The following KIAA1671 variants were observed in gnomAD, a reference collection of about 807,000 sequenced individuals.
The protein encoded by KIAA1671 is KIAA1671.
KIAA1671 carries 52 observed loss-of-function variants against 131.2 expected under a neutral mutation model. That is an observed-to-expected ratio of 0.40 (90% CI 0.32 to 0.50). The LOEUF is 0.50. Among genes scored for constraint, KIAA1671 ranks in the 20% least tolerant of loss-of-function variants. KIAA1671 has a pLI of 0.73. For synonymous variants in KIAA1671, 1,003 were observed against 961.6 expected (o/e 1.04, Z -0.80); for missense variants, 2,360 against 2,364.2 (o/e 1.00, Z 0.04).
chr22:25,110,472 A>G (rs969151495), intron 6 of KIAA1671, among the ~76,000 whole-genome samples: 2 of 152,186 alleles, frequency 1.3e-5, no homozygotes, highest in African/African-American at 4.8e-5. Context: ...GCCTGGTGAC[A>G]TCCTTGCTGT....
At chr22:24,960,379 C>G (rs1921950693) in intron 1 of KIAA1671, among the ~76,000 whole-genome samples, 1 of 151,122 alleles carries the variant, frequency 6.6e-6, no homozygotes. Flanking sequence ...AACCCCATCT[C>G]TACTAAAAAT....
At chr22:25,006,165 G>T (rs1053377432) in intron 1 of KIAA1671, among the ~76,000 whole-genome samples, 3 of 152,058 alleles carry the variant, frequency 2.0e-5, no homozygotes, top group Admixed American at 2.0e-4. Context: ...CCGAGTAGCT[G>T]GGACTACATG....
chr22:24,967,315 G>A (rs1029221917), intron 1 of KIAA1671, among the ~76,000 whole-genome samples: 4 of 152,096 alleles, frequency 2.6e-5, no homozygotes, highest in Admixed American at 6.5e-5. Flanking sequence ...TTGAGGAAAC[G>A]GAGGCTCAGA....
intron 1 of KIAA1671, among the ~76,000 whole-genome samples, chr22:25,020,469 G>T (rs1369208903): frequency 6.6e-6 from 1 of 152,100 alleles, no homozygotes; most frequent in Admixed American, 6.5e-5. Context: ...TTCTCTTCAG[G>T]TGTTTTTTGC....
chr22:25,104,813 A>G (rs2145902484), intron 6 of KIAA1671, among the ~76,000 whole-genome samples: 1 of 150,616 alleles, frequency 6.6e-6, no homozygotes, highest in South Asian at 2.1e-4. Context: ...TTTGTATTTG[A>G]TTTTGGGGAG....
chr22:25,037,476 A>G (rs1454049496), intron 4 of KIAA1671, among the ~76,000 whole-genome samples: 2 of 152,082 alleles, frequency 1.3e-5, no homozygotes, highest in Non-Finnish European at 2.9e-5. Flanking sequence ...GAGCACTTCA[A>G]TGGCATTCCA....
At position 25,181,819 on chromosome 22, in the gene KIAA1671, T is replaced by A. The variant is rs1198982525; in HGVS notation, c.5195T>A (p.Leu1732Gln). The A allele has an allele frequency of 6.4e-7, 1 of 1,551,400 alleles. No homozygotes were observed. The highest frequency in any genetic ancestry group is 8.7e-7 in the Non-Finnish European group (1 of 1,146,866). Reference sequence around the variant, plus strand: ...TTTCCAGGCATGGATCCGGCAGTGCTAAAGGTACCAGACCTCTCACCAAGA... The same window carrying A: ...TTTCCAGGCATGGATCCGGCAGTGCAAAAGGTACCAGACCTCTCACCAAGA... The part of the protein sequence containing the change: ...PAFPGMDPAV[L>Q]KAQLHKRPEV... The change falls in exon 10 of 13, where the codon CTA (leucine) becomes CAA (glutamine). Residue 1732 changes from leucine to glutamine, a missense_variant. By Grantham distance (113) the Leu-to-Gln change is moderately radical (BLOSUM62 -2). Around this residue, in one of 3 missense-constraint regions of KIAA1671, gnomAD observed 1,161 missense variants for 1,204.7 expected, o/e 0.96. Transcript: ENST00000358431.
chr22:25,028,544 C>G lies in KIAA1671; in HGVS notation c.545C>G (p.Pro182Arg). The G allele has an allele frequency of 1.3e-6, 2 of 1,549,732 alleles. No individual in the cohort carries two copies. Among genetic ancestry groups the G allele is most frequent in the Non-Finnish European group, 1.7e-6 (2 of 1,146,294 alleles). Reference sequence around the variant, plus strand: ...TCCCGGCCTGAGGTGGCTGCCAAGCCCGCCCTGCCCACCCAGAAGCCTGCG... The same window carrying G: ...TCCCGGCCTGAGGTGGCTGCCAAGCGCGCCCTGCCCACCCAGAAGCCTGCG... Reference protein sequence around the residue: ...SGSRPEVAAKPALPTQKPAGT... With the variant: ...SGSRPEVAAKRALPTQKPAGT... Residue 182 changes from proline (P) to arginine (R), a missense_variant, in exon 3 of 13, where the codon CCC becomes CGC. This residue lies in a region of KIAA1671 where 1,185 missense variants were observed against 1,126.2 expected (regional missense o/e 1.05). Transcript: ENST00000358431.
Position 25,041,507 on chromosome 22 carries a change from G to T in KIAA1671, c.4377G>T (p.Gly1459=), listed in dbSNP as rs1926922158. 1 of 1,544,330 alleles carries T rather than the reference G, an allele frequency of 6.5e-7. No individual in the cohort carries two copies. The highest frequency in any genetic ancestry group is 2.4e-5 in the East Asian group (1 of 40,846). The stretch of plus-strand genomic sequence containing the variant: ...TGGGACCCTGTTGGTGGGAGTCAGG[G>T]ACTGGAGACAGTCACAAGGTAAGTA... ...AKMGPCWWES[G]TGDSHKVLPR... is the part of the protein sequence containing the mutation. Residue 1459 remains glycine (G), a synonymous_variant, in exon 5 of 13, where the codon GGG becomes GGT. Coordinates refer to ENST00000358431, the MANE Select transcript of KIAA1671 (RefSeq NM_001145206.2).
chr22:25,024,751 T>A (rs1026339063), intron 1 of KIAA1671: 1 of 152,210 alleles, frequency 6.6e-6, no homozygotes, highest in African/African-American at 2.4e-5. Context: ...CTGGTGCTTT[T>A]ATGTGCCAGG....
At chr22:24,989,266 C>T (rs1923710836) in intron 1 of KIAA1671, among the ~76,000 whole-genome samples, 1 of 152,196 alleles carries the variant, frequency 6.6e-6, no homozygotes, top group South Asian at 2.1e-4. Flanking sequence ...GAGTATCCTG[C>T]CCCAGCTCCA....
chr22:25,086,904 G>A (rs1212251951), intron 6 of KIAA1671, among the ~76,000 whole-genome samples: 1 of 152,134 alleles, frequency 6.6e-6, no homozygotes, highest in Non-Finnish European at 1.5e-5. Flanking sequence ...AAGTAAAGCC[G>A]GGGAATGTTC....
intron 6 of KIAA1671, among the ~76,000 whole-genome samples, chr22:25,169,271 T>C (rs1423441404): frequency 6.6e-6 from 1 of 151,974 alleles, no homozygotes; most frequent in Non-Finnish European, 1.5e-5. Flanking sequence ...TTTTTTTAAA[T>C]AGCTGGGTGT....
intron 6 of KIAA1671, chr22:25,052,068 G>T (rs1415023954): frequency 6.6e-6 from 1 of 152,334 alleles, no homozygotes; most frequent in Non-Finnish European, 1.5e-5. Context: ...TCCAGCCTTG[G>T]CCCCAGGCCC....
intron 6 of KIAA1671, among the ~76,000 whole-genome samples, chr22:25,101,145 G>T (rs971911032): frequency 6.6e-6 from 1 of 152,200 alleles, no homozygotes; most frequent in African/African-American, 2.4e-5. Flanking sequence ...AGGCAGTGTG[G>T]CCAAAGATAC....
intron 6 of KIAA1671, among the ~76,000 whole-genome samples, chr22:25,157,829 T>TA (rs1165146248): frequency 6.6e-5 from 10 of 152,046 alleles, no homozygotes; most frequent in African/African-American, 2.4e-4. Flanking sequence ...CTTTTTATTT[T>TA]TTTTTTTATT....
Position 25,039,821 on chromosome 22 carries a change from C to T in KIAA1671, c.2691C>T (p.Ser897=). The change falls in exon 5 of 13, where the codon TCC becomes TCT. Residue 897 remains serine (S), a synonymous_variant. Coordinates refer to ENST00000358431, the MANE Select transcript of KIAA1671 (RefSeq NM_001145206.2). The stretch of plus-strand genomic sequence containing the variant: ...GGGCTACGAATGGGCCTTCTGACTC[C>T]CAAGCACGAACACATCCAGATGCAT... ...LSRATNGPSD[S]QARTHPDAFA... 1 of 1,533,844 alleles carries T rather than the reference C, an allele frequency of 6.5e-7. No individual in the cohort carries two copies. The highest frequency in any genetic ancestry group is 8.8e-7 in the Non-Finnish European group (1 of 1,136,294).
At chr22:25,148,767 G>T (rs1932942599) in intron 6 of KIAA1671, among the ~76,000 whole-genome samples, 1 of 152,156 alleles carries the variant, frequency 6.6e-6, no homozygotes, top group Admixed American at 6.5e-5. Context: ...GGATTCTCCT[G>T]CCCTGACCTT....
intron 6 of KIAA1671, among the ~76,000 whole-genome samples, chr22:25,114,488 G>A (rs1426728109): frequency 3.3e-5 from 5 of 152,222 alleles, no homozygotes; most frequent in African/African-American, 4.8e-5. Flanking sequence ...ATAAGTCAAC[G>A]AAACGCAAGG....
Sources: gnomAD v4.1 joint callset for allele counts (sites outside exome capture counted in the v4.1 genomes callset) on GRCh38, gnomAD v4.1.1 for gene constraint, gnomAD v4.1.1 regional missense constraint, MANE v1.5 for transcripts, NCBI Gene and HGNC (gene_info 2026-07-23, HGNC 2026-07-21) for gene names.